Variants in COL5A1 observed in about 807,000 individuals in gnomAD.
COL5A1 encodes the protein collagen type V alpha 1 chain.
In COL5A1, 16 loss-of-function variants were observed where a neutral mutation model predicts 263.7. The observed-to-expected ratio is 0.06, with a 90% CI of 0.04 to 0.09. The LOEUF is 0.09. Among genes scored for constraint, COL5A1 ranks in the 10% least tolerant of loss-of-function variants. The pLI is 1.00. For synonymous variants in COL5A1, 1,012 were observed against 1,004.5 expected, an observed-to-expected ratio of 1.01 and a Z score of -0.14; for missense variants, 2,036 against 2,540.5, an observed-to-expected ratio of 0.80 and a Z score of 4.27.
chr9:134,747,873 A>G (rs1835601360), intron 11 of COL5A1, among the ~76,000 whole-genome samples: 1 of 150,772 alleles, frequency 6.6e-6, no homozygotes, highest in South Asian at 2.1e-4. Flanking sequence ...ACACATGCAG[A>G]CACATGCACA....
chr9:134,839,723 C>T (rs181748512), intron 65 of COL5A1, among the ~76,000 whole-genome samples: 72 of 152,320 alleles, frequency 4.7e-4, no homozygotes, highest in African/African-American at 1.4e-3. Context: ...TCTGGCTCCT[C>T]GCCGGTGGGG....
intron 4 of COL5A1, among the ~76,000 whole-genome samples, chr9:134,727,025 A>G (rs535118683): frequency 6.7e-6 from 1 of 148,916 alleles, no homozygotes; most frequent in African/African-American, 2.5e-5. Flanking sequence ...GGATGGATGG[A>G]TGGGTAGATG....
intron 64 of COL5A1, among the ~76,000 whole-genome samples, chr9:134,832,565 TGCCCCGG>T (rs964559140): frequency 4.6e-5 from 7 of 152,170 alleles, no homozygotes; most frequent in African/African-American, 1.4e-4. Flanking sequence ...GCGTGCCCCA[TGCCCCGG>T]GCCCCCCTGC....
Position 134,821,963 on chromosome 9 carries a change from G to A in COL5A1, c.4555-134G>A. 1 of 795,356 alleles carries A rather than the reference G, an allele frequency of 1.3e-6. No individual in the cohort carries two copies. Among genetic ancestry groups the A allele is most frequent in the Non-Finnish European group, 2.2e-6 (1 of 449,404 alleles). 49.3% of individuals were successfully genotyped at this position (795,356 alleles called of 1,614,324 possible). A position where few individuals can be genotyped will look rare whatever the true frequency, so the allele number is the denominator to read the frequency against. On this transcript the variant is annotated intron_variant, in intron 58 of 65. Coordinates refer to ENST00000371817, the MANE Select transcript of COL5A1 (RefSeq NM_000093.5). This position sits in a 1 kb window ranked among gnomAD's most constrained non-coding sequence, Gnocchi z 4.2. Reference sequence around the variant, plus strand: ...CAGGATCAGAAAGCAGCCACAGGAGGCTGCTGAGGGGCCAAAGGGCATACC... The same window carrying A: ...CAGGATCAGAAAGCAGCCACAGGAGACTGCTGAGGGGCCAAAGGGCATACC...
At chr9:134,751,013 T>G in intron 13 of COL5A1, 131 bp downstream of exon 13, 1 of 824,382 alleles carries the variant, frequency 1.2e-6, no homozygotes, top group Non-Finnish European at 2.0e-6. Context: ...AATGCCTGCT[T>G]GCTGGGGTCA....
At chr9:134,744,574 T>TGCACACACACTTACACATGCAC (rs1564425986) in intron 11 of COL5A1, among the ~76,000 whole-genome samples, 5 of 141,234 alleles carry the variant, frequency 3.5e-5, no homozygotes, top group African/African-American at 1.3e-4. Context: ...TATACATGCA[T>TGCACACACACTTACACATGCAC]GCACACACAC....
rs115884476 is a variant in COL5A1 at position 134,842,941 on chromosome 9, G to C, written c.*638G>C. ...GTGTGCCTGGCTTTCAATCATGCACGGAAACCCAGTCTCAGTCCCACGGAC... is the reference window on the plus strand; with the variant it reads ...GTGTGCCTGGCTTTCAATCATGCACCGAAACCCAGTCTCAGTCCCACGGAC... On this transcript the variant is annotated 3_prime_UTR_variant, in exon 66 of 66. Coordinates refer to ENST00000371817, the MANE Select transcript of COL5A1 (RefSeq NM_000093.5). The surrounding 1 kb of genome is among the most constrained non-coding windows in gnomAD (Gnocchi z 5.8). The C allele has an allele frequency of 6.4e-6, 1 of 155,410 alleles. No individual in the cohort carries two copies. The highest frequency in any genetic ancestry group is 6.4e-5 in the Admixed American group (1 of 15,594). The allele number at this position is 155,410 out of a possible 1,614,324, so 9.6% of individuals were successfully genotyped here.
intron 4 of COL5A1, among the ~76,000 whole-genome samples, chr9:134,717,832 T>C (rs746999327): frequency 2.0e-5 from 3 of 152,096 alleles, no homozygotes; most frequent in Non-Finnish European, 2.9e-5. Context: ...CTGGGATTCC[T>C]GTGGACCCTG....
At chr9:134,803,861 C>G (rs1838200734) in intron 39 of COL5A1, among the ~76,000 whole-genome samples, 1 of 150,816 alleles carries the variant, frequency 6.6e-6, no homozygotes, top group Admixed American at 6.6e-5. Context: ...GAAAAAAAAA[C>G]AGCCCTCACC....
intron 18 of COL5A1, among the ~76,000 whole-genome samples, chr9:134,759,828 AC>A (rs150984026): frequency 5.8e-4 from 28 of 48,294 alleles, no homozygotes; most frequent in Non-Finnish European, 7.1e-4. Flanking sequence ...ACACACCCAC[AC>A]CCCCCCACTC....
intron 1 of COL5A1, among the ~76,000 whole-genome samples, chr9:134,657,529 G>A (rs1205868836): frequency 1.2e-5 from 1 of 84,974 alleles, no homozygotes; most frequent in Non-Finnish European, 2.3e-5. Context: ...ATGGGGGTGG[G>A]GTGGGGGTGT....
intron 25 of COL5A1, among the ~76,000 whole-genome samples, chr9:134,770,500 G>A (rs1406706568): frequency 1.3e-5 from 2 of 152,152 alleles, no homozygotes; most frequent in African/African-American, 4.8e-5. Context: ...CAAATACTCC[G>A]TGACATGAGA....
chr9:134,815,578 C>T lies in COL5A1; in HGVS notation c.4017C>T (p.Gly1339=). The stretch of plus-strand genomic sequence containing the variant: ...GCTTCCTTCTTTCTTCCTTTCAGGG[C>T]CCAGTGGGTTTTCCTGGAGATCCTG... ...PGDDGPKGSP[G]PVGFPGDPGP... The change falls in exon 51 of 66, where the codon GGC becomes GGT. Residue 1339 remains glycine (G), a splice_region_variant and synonymous_variant. Transcript: ENST00000371817. 1.2e-6 allele frequency: 2 copies of T among 1,613,438 alleles called. No individual in the cohort carries two copies. The highest frequency in any genetic ancestry group is 8.5e-7 in the Non-Finnish European group (1 of 1,179,816).
rs887541635 is a variant in COL5A1, at chr9:134,752,431, G to C, written c.1663-158G>C. 6.5e-4 allele frequency among the ~76,000 whole-genome samples: 89 copies of C among 137,814 alleles called. 1 individual carries two copies. Among genetic ancestry groups the C allele is most frequent in the Non-Finnish European group, 1.2e-3 (75 of 63,506 alleles). The allele number at this position is 137,814 out of a possible 152,430, so 90.4% of individuals were successfully genotyped here. On this transcript the variant is annotated intron_variant, in intron 13 of 65. Transcript: ENST00000371817. The stretch of plus-strand genomic sequence containing the variant: ...GCCCCATCGAAGTCGGGGGGGGGGG[G>C]CCCTTGGGGAGTCATCAGACCTCCT...
At chr9:134,759,830 C>CA (rs1435296800) in intron 18 of COL5A1, among the ~76,000 whole-genome samples, 3 of 70,244 alleles carry the variant, frequency 4.3e-5, no homozygotes, top group African/African-American at 2.2e-4. Flanking sequence ...ACACCCACAC[C>CA]CCCCCACTCA....
chr9:134,695,620 T>A (rs1833433124), intron 2 of COL5A1, among the ~76,000 whole-genome samples: 1 of 152,248 alleles, frequency 6.6e-6, no homozygotes, highest in South Asian at 2.1e-4. Flanking sequence ...TAGAGCAGGA[T>A]AGGGGTTCCC....
chr9:134,752,425 G>A (rs879060203), intron 13 of COL5A1, among the ~76,000 whole-genome samples, 164 bp from the exon 14 acceptor site: 2 of 150,404 alleles, frequency 1.3e-5, no homozygotes, highest in Non-Finnish European at 1.5e-5. Context: ...AAGTCGGGGG[G>A]GGGGGGCCCT....
At chr9:134,796,298 TG>T (rs768226579) in intron 34 of COL5A1, 75 bp from the exon 35 acceptor site, 176 of 1,510,904 alleles carry the variant, frequency 1.2e-4, no homozygotes, top group Non-Finnish European at 1.5e-4. Context: ...GACGTTTTGA[TG>T]ACGTTGTGGG....
At chr9:134,665,545 G>T (rs965700350) in intron 1 of COL5A1, among the ~76,000 whole-genome samples, 1 of 152,194 alleles carries the variant, frequency 6.6e-6, no homozygotes, top group Non-Finnish European at 1.5e-5. Flanking sequence ...ATTGGGACTC[G>T]TGTGTAGTTT....
Sources: allele counts gnomAD v4.1 joint callset (sites outside exome capture counted in the v4.1 genomes callset), GRCh38; gene constraint gnomAD v4.1.1; non-coding constraint Gnocchi (gnomAD v3.1); transcripts MANE v1.5; gene names NCBI Gene and HGNC (gene_info 2026-07-23, HGNC 2026-07-21).